Variants in REXO5 observed in about 807,000 individuals in gnomAD.
The protein encoded by REXO5 is RNA exonuclease 5.
A neutral mutation model predicts 88.5 loss-of-function variants in REXO5; 48 were observed. The ratio of observed to expected loss-of-function variants is 0.54; its 90% CI spans 0.43 to 0.69. The LOEUF is 0.69. Among genes scored for constraint, REXO5 ranks in the 30% least tolerant of loss-of-function variants. The pLI, the probability that REXO5 is intolerant of heterozygous loss-of-function variation, is 0.00. For missense variants in REXO5, 749 were observed against 912.2 expected, an observed-to-expected ratio of 0.82 and a Z score of 2.30; for synonymous variants, 311 against 336.5, an observed-to-expected ratio of 0.92 and a Z score of 0.83.
Position 20,815,408 on chromosome 16 carries a change from G to T in REXO5, c.378+355G>T, listed in dbSNP as rs150956647. On this transcript the variant is annotated intron_variant, in intron 4 of 19. Coordinates refer to ENST00000261377, the MANE Select transcript of REXO5 (RefSeq NM_030941.3). ...AAACAGTATATGGAACTGAATAGCA[G>T]TTGTCATCTTTAAAAAGAGGCACCT... Among the ~76,000 whole-genome samples, 204 of 152,314 alleles carry T rather than the reference G, an allele frequency of 1.3e-3. 1 individual carries two copies. Among genetic ancestry groups the T allele is most frequent in the African/African-American group, 4.7e-3 (196 of 41,574 alleles).
At chr16:20,810,577 A>T (rs899612659) in intron 2 of REXO5, among the ~76,000 whole-genome samples, 1 of 151,940 alleles carries the variant, frequency 6.6e-6, no homozygotes, top group African/African-American at 2.4e-5. Flanking sequence ...ATTTTTGTAC[A>T]TTTAGTGGAG....
intron 3 of REXO5, among the ~76,000 whole-genome samples, chr16:20,813,874 C>T (rs548100037): frequency 1.6e-4 from 24 of 151,992 alleles, no homozygotes; most frequent in African/African-American, 5.6e-4. Context: ...GCCTGGGCAA[C>T]ATAGCGAGAC....
rs546394903 is a variant in REXO5, at chr16:20,809,066, C to T, written c.138+1975C>T. ...TTAAAGTGGGATTCCAGTTTTTTTG[C>T]CTATCAAATTTGCAAAAAAATGTTT... On this transcript the variant is annotated intron_variant, in intron 2 of 19. Coordinates refer to ENST00000261377, the MANE Select transcript of REXO5 (RefSeq NM_030941.3). Among the ~76,000 whole-genome samples, 9 of 151,856 alleles carry T rather than the reference C, an allele frequency of 5.9e-5. No homozygotes were observed. In the South Asian group the frequency reaches 1.9e-3, roughly 32 times the overall value.
intron 17 of REXO5, 69 bp from the exon 18 acceptor site, chr16:20,844,985 C>T: frequency 6.4e-7 from 1 of 1,574,478 alleles, no homozygotes; most frequent in Non-Finnish European, 8.7e-7. Flanking sequence ...TTGACCCTGG[C>T]CAGGCAGCTT....
chr16:20,806,745 G>T, intron 1 of REXO5, 40 bp downstream of exon 1: 1 of 1,005,822 alleles, frequency 9.9e-7, no homozygotes. Context: ...GGTTAGAGCG[G>T]CGCGGGTGTC....
rs1033690571 is a variant in REXO5, at chr16:20,827,425, T to C, written c.1033T>C (p.Phe345Leu). ...GCAGGGCAGAAGATTTAAGCTCAAG[T>C]TCTTAGCCAAAGTTATTTTGGGGTA... Reference protein sequence around the residue: ...REQGRRFKLKFLAKVILGKDI... With the variant: ...REQGRRFKLKLLAKVILGKDI... The change falls in exon 10 of 20, where the codon TTC becomes CTC. Residue 345 changes from phenylalanine (F) to leucine (L), a missense_variant. Physicochemically the swap from Phe to Leu is conservative, Grantham distance 22. Coordinates refer to ENST00000261377, the MANE Select transcript of REXO5 (RefSeq NM_030941.3). 24 of 1,613,200 alleles carry C rather than the reference T, an allele frequency of 1.5e-5. No homozygotes were observed. The highest frequency in any genetic ancestry group is 2.0e-5 in the Non-Finnish European group (24 of 1,179,678).
rs561898245 is a variant in REXO5 at position 20,825,531 on chromosome 16, T to C, written c.706-302T>C. The C allele has an allele frequency of 1.5e-4, 33 of 225,542 alleles. No individual in the cohort carries two copies. In the South Asian group the frequency reaches 5.1e-3, roughly 35 times the overall value. 14.0% of individuals were successfully genotyped at this position (225,542 alleles called of 1,614,324 possible). ...AATGGGCTTCATAAAAATTACCTAT[T>C]AGTGGTATTTAGCATAATACTGGAT... On this transcript the variant is annotated intron_variant, in intron 7 of 19. Coordinates refer to ENST00000261377, the MANE Select transcript of REXO5 (RefSeq NM_030941.3).
At chr16:20,831,995 T>A (rs967290585) in intron 11 of REXO5, among the ~76,000 whole-genome samples, 161 bp from the exon 12 acceptor site, 2 of 152,208 alleles carry the variant, frequency 1.3e-5, no homozygotes, top group African/African-American at 4.8e-5. Flanking sequence ...ATTGAAGCCA[T>A]CCCAGGGCTG....
chr16:20,846,401 G>GA, intron 19 of REXO5, 62 bp downstream of exon 19: 2 of 1,271,534 alleles, frequency 1.6e-6, no homozygotes, highest in Non-Finnish European at 2.3e-6. Flanking sequence ...TGTTCTTAGA[G>GA]AAAAAGCCTT....
Position 20,844,805 on chromosome 16 carries a change from A to C in REXO5, c.1896A>C (p.Lys632Asn). The change falls in exon 17 of 20, where the codon AAA becomes AAC. Residue 632 changes from lysine (K) to asparagine (N), a missense_variant. Lys to Asn is a moderately conservative substitution (Grantham distance 94). Transcript: ENST00000261377. ...FLGLEAVILP[K>N]DLKSGKQKKY... ...GCCTGGAAGCTGTGATCTTGCCTAA[A>C]GATCTTAAAAGTGGAAAGCAGAAAA... 1 of 1,614,192 alleles carries C rather than the reference A, an allele frequency of 6.2e-7. No homozygotes were observed. Among genetic ancestry groups the C allele is most frequent in the Admixed American group, 1.7e-5 (1 of 60,020 alleles).
At chr16:20,825,611 C>T (rs1400769437) in intron 7 of REXO5, 4 of 476,320 alleles carry the variant, frequency 8.4e-6, no homozygotes, top group Admixed American at 3.7e-5. Context: ...TTGCATTCAT[C>T]TTCTTTGTGC....
intron 19 of REXO5, among the ~76,000 whole-genome samples, chr16:20,848,570 C>T (rs1411223969): frequency 1.3e-5 from 2 of 152,194 alleles, no homozygotes; most frequent in African/African-American, 4.8e-5. Context: ...GTTCTCCATA[C>T]ACAAAAGTCT....
chr16:20,816,304 A>C, intron 5 of REXO5, 92 bp downstream of exon 5: 1 of 1,097,800 alleles, frequency 9.1e-7, no homozygotes, highest in East Asian at 2.5e-5. Context: ...CTCAATTCTA[A>C]CTAGCTTAAG....
At chr16:20,819,920 G>A (rs2081143352) in intron 5 of REXO5, among the ~76,000 whole-genome samples, 1 of 152,122 alleles carries the variant, frequency 6.6e-6, no homozygotes, top group Non-Finnish European at 1.5e-5. Flanking sequence ...TACCATGCCT[G>A]GCTAATTTTT....
In REXO5 at chr16:20,823,174, G is replaced by T. The variant is rs534626051; in HGVS notation, c.617-1265G>T. Among the ~76,000 whole-genome samples the T allele has an allele frequency of 2.0e-5, 3 of 152,256 alleles. No homozygotes were observed. In the South Asian group the frequency reaches 6.2e-4, roughly 32 times the overall value. On this transcript the variant is annotated intron_variant, in intron 6 of 19. Transcript: ENST00000261377. Reference sequence around the variant, plus strand: ...CTTTTCACATGCTTATTAGTCATTTGTATAGCTTCAGAGAACTGTCTATTC... The same window carrying T: ...CTTTTCACATGCTTATTAGTCATTTTTATAGCTTCAGAGAACTGTCTATTC...
intron 5 of REXO5, among the ~76,000 whole-genome samples, chr16:20,816,880 A>G (rs1391735187): frequency 6.6e-6 from 1 of 152,208 alleles, no homozygotes; most frequent in African/African-American, 2.4e-5. Context: ...TATAAGGGAT[A>G]CCTGCTGATA....
chr16:20,826,949 C>CAT (rs2081267969), intron 8 of REXO5, 109 bp from the exon 9 acceptor site: 18 of 1,067,468 alleles, frequency 1.7e-5, no homozygotes, highest in Middle Eastern at 2.8e-4. Context: ...GGACACTAAG[C>CAT]ATATATATAT....
chr16:20,839,496 T>C (rs1181754857), intron 13 of REXO5, among the ~76,000 whole-genome samples: 3 of 152,170 alleles, frequency 2.0e-5, no homozygotes, highest in Non-Finnish European at 4.4e-5. Context: ...TTTGAAAATT[T>C]TTGTAATAGC....
In REXO5 at chr16:20,849,586, C is replaced by G; in HGVS notation, c.*106C>G. On this transcript the variant is annotated 3_prime_UTR_variant, in exon 20 of 20. Coordinates refer to ENST00000261377, the MANE Select transcript of REXO5 (RefSeq NM_030941.3). The stretch of plus-strand genomic sequence containing the variant: ...CAACCAGCAGACAGCTTTATGGAAA[C>G]TTGGTATAGCAGCTAAAAGAGTTTA... 1.1e-6 allele frequency: 1 copy of G among 920,696 alleles called. No individual in the cohort carries two copies. The highest frequency in any genetic ancestry group is 1.8e-6 in the Non-Finnish European group (1 of 570,622). The allele number at this position is 920,696 out of a possible 1,614,324, so 57.0% of individuals were successfully genotyped here.
Sources: gnomAD v4.1 joint callset for allele counts (sites outside exome capture counted in the v4.1 genomes callset) on GRCh38, gnomAD v4.1.1 for gene constraint, MANE v1.5 for transcripts, NCBI Gene and HGNC (gene_info 2026-07-23, HGNC 2026-07-21) for gene names.